Variants in C9orf72 observed in about 807,000 individuals in gnomAD.
The protein encoded by C9orf72 is guanine nucleotide exchange factor C9orf72.
Under a neutral mutation model 51.6 loss-of-function variants are expected in C9orf72, and 44 were observed. The ratio of observed to expected loss-of-function variants is 0.85; its 90% CI spans 0.67 to 1.10. C9orf72 has a LOEUF of 1.10. C9orf72 is among the 50% of genes least tolerant of loss of function. The pLI is 0.00. For synonymous variants in C9orf72, 213 were observed against 194.2 expected, an observed-to-expected ratio of 1.10 and a Z score of -0.81; for missense variants, 607 against 570.6, an observed-to-expected ratio of 1.06 and a Z score of -0.65.
chr9:27,560,545 T>C (rs1182067148), intron 5 of C9orf72: 2 of 676,542 alleles, frequency 3.0e-6, no homozygotes, highest in Non-Finnish European at 3.9e-6. Flanking sequence ...ATTTAATTAA[T>C]GTATTTATTT....
Position 27,548,665 on chromosome 9 carries a change from A to G in C9orf72, c.1151T>C (p.Val384Ala). Residue 384 changes from valine to alanine, a missense_variant and splice_region_variant, in exon 10 of 11, where the codon GTC (valine) becomes GCC (alanine). Coordinates refer to ENST00000380003, the MANE Select transcript of C9orf72 (RefSeq NM_018325.5). ...DTLVKAFLDQ[V>A]FQLKPGLSLR... The stretch of plus-strand genomic sequence containing the variant: ...AGATAAGCCAGGTTTCAGCTGAAAG[A>G]CCTGCAGGGAGAGGAACCATTTCAA... The G allele has an allele frequency of 6.4e-7, 1 of 1,563,164 alleles. No individual in the cohort carries two copies. The highest frequency in any genetic ancestry group is 8.8e-7 in the Non-Finnish European group (1 of 1,133,976).
chr9:27,554,355 G>A (rs1277300163), intron 8 of C9orf72, among the ~76,000 whole-genome samples: 4 of 152,168 alleles, frequency 2.6e-5, no homozygotes, highest in African/African-American at 9.7e-5. Flanking sequence ...GATGGAGCTA[G>A]AGGTCATTAT....
chr9:27,565,139 CCAGA>C (rs1336921898), intron 3 of C9orf72, among the ~76,000 whole-genome samples: 2 of 152,034 alleles, frequency 1.3e-5, no homozygotes, highest in African/African-American at 2.4e-5. Flanking sequence ...GGCCTACACC[CCAGA>C]CAGATACCTC....
rs1820797074 is a variant in C9orf72 at position 27,547,710 on chromosome 9, C to G, written c.*526G>C. Reference sequence around the variant, plus strand: ...CTAATAATCAATTCCAATTAAACATCTGCTTGATCAATTTTCTTTCTAAAG... The same window carrying G: ...CTAATAATCAATTCCAATTAAACATGTGCTTGATCAATTTTCTTTCTAAAG... On this transcript the variant is annotated 3_prime_UTR_variant, in exon 11 of 11. Transcript: ENST00000380003. 1 of 152,596 alleles carries G rather than the reference C, an allele frequency of 6.6e-6. No individual in the cohort carries two copies. The highest frequency in any genetic ancestry group is 1.5e-5 in the Non-Finnish European group (1 of 68,052). 9.5% of individuals were successfully genotyped at this position (152,596 alleles called of 1,614,324 possible). A position where few individuals can be genotyped will look rare whatever the true frequency, so the allele number is the denominator to read the frequency against.
chr9:27,563,445 A>C (rs561967595), intron 3 of C9orf72, among the ~76,000 whole-genome samples: 218 of 152,330 alleles, frequency 1.4e-3, no homozygotes, highest in East Asian at 5.0e-3. Flanking sequence ...TTGAGATATA[A>C]ATGAAATTGT....
At chr9:27,565,240 T>G (rs961786734) in intron 3 of C9orf72, among the ~76,000 whole-genome samples, 3 of 152,056 alleles carry the variant, frequency 2.0e-5, no homozygotes, top group African/African-American at 7.2e-5. Flanking sequence ...CAGAGACAAT[T>G]TTTTTTATTT....
chr9:27,561,974 T>A (rs1819361919), intron 4 of C9orf72, among the ~76,000 whole-genome samples: 1 of 152,210 alleles, frequency 6.6e-6, no homozygotes, highest in South Asian at 2.1e-4. Flanking sequence ...ACTCATAGTG[T>A]GTGATTCAAA....
Position 27,548,612 on chromosome 9 carries a change from G to T in C9orf72, c.1204C>A (p.Leu402Ile). 1 of 1,612,882 alleles carries T rather than the reference G, an allele frequency of 6.2e-7. No homozygotes were observed. Among genetic ancestry groups the T allele is most frequent in the South Asian group, 1.1e-5 (1 of 91,040 alleles). ...AAGGCTTTTCTGTGAAGGACAAGTA[G>T]AAACTGTGCAAGGAAAGTACTTCTG... is the stretch of plus-strand genomic sequence containing the variant. ...SLRSTFLAQFLLVLHRKALTL... is the reference protein window; with the variant it reads ...SLRSTFLAQFILVLHRKALTL... The change falls in exon 10 of 11, where the codon CTA becomes ATA. Residue 402 changes from leucine (L) to isoleucine (I), a missense_variant. Coordinates refer to ENST00000380003, the MANE Select transcript of C9orf72 (RefSeq NM_018325.5).
At position 27,547,194 on chromosome 9, in the gene C9orf72, GCAA is replaced by G. The variant is rs1820785782; in HGVS notation, c.*1039_*1041del. The stretch of plus-strand genomic sequence containing the variant: ...CCTTATAGCCTATTGCAGGCAAACA[GCAA>G]CAACTTCAAAAACATAGGCAGAAAT... On this transcript the variant is annotated 3_prime_UTR_variant, in exon 11 of 11. Transcript: ENST00000380003. The G allele has an allele frequency of 6.6e-6, 1 of 152,500 alleles. No individual in the cohort carries two copies. Among genetic ancestry groups the G allele is most frequent in the South Asian group, 2.1e-4 (1 of 4,830 alleles). The allele number at this position is 152,500 out of a possible 1,614,324, so 9.4% of individuals were successfully genotyped here. A position where few individuals can be genotyped will look rare whatever the true frequency, so the allele number is the denominator to read the frequency against.
In C9orf72 at chr9:27,561,587, G is replaced by A; in HGVS notation, c.663C>T (p.Leu221=). 4 of 1,612,236 alleles carry A rather than the reference G, an allele frequency of 2.5e-6. No homozygotes were observed. The highest frequency in any genetic ancestry group is 3.4e-6 in the Non-Finnish European group (4 of 1,178,992). Residue 221 remains leucine, a splice_region_variant and synonymous_variant, in exon 5 of 11, where the codon CTC becomes CTT. Coordinates refer to ENST00000380003, the MANE Select transcript of C9orf72 (RefSeq NM_018325.5). ...TTTATGAAAAGAAAAATTCTTACTTGAGAAGAAAGCCTTCATGACAGCTGT... is the reference window on the plus strand; with the variant it reads ...TTTATGAAAAGAAAAATTCTTACTTAAGAAGAAAGCCTTCATGACAGCTGT... ...IGDSCHEGFL[L]NAISSHLQTC...
intron 8 of C9orf72, among the ~76,000 whole-genome samples, chr9:27,551,691 A>AT (rs1345432384): frequency 3.9e-5 from 6 of 152,270 alleles, no homozygotes; most frequent in Non-Finnish European, 8.8e-5. Context: ...CTGGGCACTG[A>AT]TAGTGCCCCT....
At position 27,556,667 on chromosome 9, in the gene C9orf72, G is replaced by T. The variant is rs773251849; in HGVS notation, c.985C>A (p.Arg329Ser). Residue 329 changes from arginine to serine, a missense_variant, in exon 8 of 11, where the codon CGT becomes AGT. Arg to Ser is a moderately radical substitution (Grantham distance 110, BLOSUM62 -1). Coordinates refer to ENST00000380003, the MANE Select transcript of C9orf72 (RefSeq NM_018325.5). ...GTCAGCTCGGATCTCATGTATCTACGCTGATTATAAATATGTTCATGACAG... is the reference window on the plus strand; with the variant it reads ...GTCAGCTCGGATCTCATGTATCTACTCTGATTATAAATATGTTCATGACAG... ...PPCHEHIYNQ[R>S]RYMRSELTAF... The T allele has an allele frequency of 6.2e-7, 1 of 1,613,786 alleles. No homozygotes were observed. Among genetic ancestry groups the T allele is most frequent in the Non-Finnish European group, 8.5e-7 (1 of 1,179,792 alleles).
Position 27,548,631 on chromosome 9 carries a change from A to C in C9orf72, c.1185T>G (p.Ser395Arg). 6.2e-7 allele frequency: 1 copy of C among 1,612,448 alleles called. No homozygotes were observed. The highest frequency in any genetic ancestry group is 8.5e-7 in the Non-Finnish European group (1 of 1,178,558). ...CAAGTAGAAACTGTGCAAGGAAAGT[A>C]CTTCTGAGAGATAAGCCAGGTTTCA... is the stretch of plus-strand genomic sequence containing the variant. ...FQLKPGLSLRSTFLAQFLLVL... is the reference protein window; with the variant it reads ...FQLKPGLSLRRTFLAQFLLVL... Residue 395 changes from serine to arginine, a missense_variant, in exon 10 of 11, where the codon AGT (serine) becomes AGG (arginine). Transcript: ENST00000380003.
At chr9:27,564,533 A>G (rs897658485) in intron 3 of C9orf72, among the ~76,000 whole-genome samples, 1 of 152,122 alleles carries the variant, frequency 6.6e-6, no homozygotes, top group African/African-American at 2.4e-5. Context: ...TCTTTGGGTA[A>G]AGGGAAATCT....
chr9:27,573,512 C>CGCCCCGACCACGCCCCGGCCCCG (rs1819641515), upstream of C9orf72: 1 of 66,920 alleles, frequency 1.5e-5, no homozygotes, highest in Non-Finnish European at 3.2e-5. Flanking sequence ...CCCCCGGGCC[C>CGCCCCGACCACGCCCCGGCCCCG]GCCCCGACCA....
chr9:27,563,879 C>T (rs1308008127), intron 3 of C9orf72, among the ~76,000 whole-genome samples: 1 of 151,968 alleles, frequency 6.6e-6, no homozygotes, highest in African/African-American at 2.4e-5. Flanking sequence ...TGACTAGATC[C>T]GTGTTAAATT....
At chr9:27,565,161 C>T (rs903269787) in intron 3 of C9orf72, among the ~76,000 whole-genome samples, 3 of 152,196 alleles carry the variant, frequency 2.0e-5, no homozygotes, top group East Asian at 3.9e-4. Context: ...CTCAGGGGTA[C>T]ATATGCTCTC....
chr9:27,571,957 C>T (rs4520261), intron 1 of C9orf72, among the ~76,000 whole-genome samples: 3,359 of 152,292 alleles, frequency 0.022, 57 homozygotes, highest in Middle Eastern at 0.048. Flanking sequence ...CACTATCTGG[C>T]CATTTCTCAC....
rs1044902337 is a variant in C9orf72, at chr9:27,567,180, T to C, written c.-44-16A>G. 3 of 1,368,292 alleles carry C rather than the reference T, an allele frequency of 2.2e-6. No homozygotes were observed. The highest frequency in any genetic ancestry group is 1.2e-5 in the South Asian group (1 of 80,950). 84.8% of individuals were successfully genotyped at this position (1,368,292 alleles called of 1,614,324 possible). ...CCGGAGATATCTAAACAATGACATA[T>C]GAAACCAATGATTAGGTTCAGCAAT... On this transcript the variant is annotated splice_polypyrimidine_tract_variant and intron_variant, in intron 1 of 10. Transcript: ENST00000380003.
Sources: gnomAD v4.1 joint callset for allele counts (sites outside exome capture counted in the v4.1 genomes callset) on GRCh38, gnomAD v4.1.1 for gene constraint, MANE v1.5 for transcripts, NCBI Gene and HGNC (gene_info 2026-07-23, HGNC 2026-07-21) for gene names.